The following PPP1R9A variants were observed in gnomAD, a reference collection of about 807,000 sequenced individuals.
PPP1R9A encodes neurabin-1.
In PPP1R9A, 59 loss-of-function variants were observed where a neutral mutation model predicts 141.9. The ratio of observed to expected loss-of-function variants is 0.42; its 90% CI spans 0.34 to 0.52. The LOEUF (loss-of-function observed/expected upper bound fraction) is 0.52. Among genes scored for constraint, PPP1R9A ranks in the 20% least tolerant of loss-of-function variants. The pLI is 0.10. For missense variants in PPP1R9A, 1,444 were observed against 1,611.9 expected (o/e 0.90, Z 1.78); for synonymous variants, 500 against 569.7 (o/e 0.88, Z 1.74).
chr7:95,167,982 A>G (rs182838979), intron 5 of PPP1R9A, among the ~76,000 whole-genome samples: 29 of 152,264 alleles, frequency 1.9e-4, no homozygotes, highest in Admixed American at 6.5e-4. Flanking sequence ...AGAGCAGTCT[A>G]CTGATTCAGT....
At chr7:95,228,427 GTTGGC>G (rs1022931189) in intron 8 of PPP1R9A, among the ~76,000 whole-genome samples, 6 of 152,216 alleles carry the variant, frequency 3.9e-5, no homozygotes, top group African/African-American at 1.2e-4. Context: ...GCCAACAAAA[GTTGGC>G]TAGCCCTTTT....
At chr7:95,181,193 T>A (rs1162143074) in intron 5 of PPP1R9A, among the ~76,000 whole-genome samples, 1 of 131,078 alleles carries the variant, frequency 7.6e-6, no homozygotes, top group Non-Finnish European at 1.7e-5. Flanking sequence ...TCTATATATA[T>A]AGAATATATA....
intron 18 of PPP1R9A, 49 bp downstream of exon 18, chr7:95,286,374 T>C (rs1265725545): frequency 6.2e-7 from 1 of 1,603,822 alleles, no homozygotes; most frequent in Admixed American, 1.7e-5. Flanking sequence ...TCTGACGTTT[T>C]ACCCATGAAC....
chr7:94,969,328 G>T (rs1450230806), intron 2 of PPP1R9A, among the ~76,000 whole-genome samples: 4 of 152,104 alleles, frequency 2.6e-5, no homozygotes, highest in Non-Finnish European at 5.9e-5. Context: ...TGGGGTTTCT[G>T]TGTGGACGTC....
At chr7:94,977,796 T>C (rs2151293440) in intron 2 of PPP1R9A, among the ~76,000 whole-genome samples, 1 of 150,918 alleles carries the variant, frequency 6.6e-6, no homozygotes, top group South Asian at 2.1e-4. Flanking sequence ...GGAATCTTGC[T>C]CTGTCACCCA....
At chr7:95,146,986 T>C (rs529553277) in intron 4 of PPP1R9A, among the ~76,000 whole-genome samples, 1 of 152,328 alleles carries the variant, frequency 6.6e-6, no homozygotes, top group East Asian at 1.9e-4. Flanking sequence ...ATGGGCTCTT[T>C]TGTGGTTTCA....
chr7:95,079,299 C>G (rs895363365), intron 2 of PPP1R9A, among the ~76,000 whole-genome samples: 1 of 151,988 alleles, frequency 6.6e-6, no homozygotes, highest in South Asian at 2.1e-4. Context: ...TGTAGATATG[C>G]GGCATTATTT....
At chr7:95,090,239 TA>T (rs1225912344) in intron 2 of PPP1R9A, among the ~76,000 whole-genome samples, 3 of 150,518 alleles carry the variant, frequency 2.0e-5, no homozygotes, top group East Asian at 1.9e-4. Context: ...ACAAGCTTAT[TA>T]AAAAAAAACG....
intron 2 of PPP1R9A, among the ~76,000 whole-genome samples, chr7:95,033,613 C>CT (rs1315153307): frequency 6.6e-6 from 1 of 152,050 alleles, no homozygotes; most frequent in South Asian, 2.1e-4. Context: ...GAAGATTTTT[C>CT]TCCTGTATCC....
At chr7:95,065,867 G>GA (rs147167891) in intron 2 of PPP1R9A, among the ~76,000 whole-genome samples, 1 of 151,654 alleles carries the variant, frequency 6.6e-6, no homozygotes, top group Non-Finnish European at 1.5e-5. Context: ...AAAATTCAAG[G>GA]AAAAAAAATA....
chr7:95,262,554 G>T (rs947756364), intron 12 of PPP1R9A, among the ~76,000 whole-genome samples: 1 of 152,106 alleles, frequency 6.6e-6, no homozygotes, highest in Non-Finnish European at 1.5e-5. Context: ...TTTCCAGGTA[G>T]TCTAGCGGTA....
chr7:95,153,388 G>C (rs147833691), intron 4 of PPP1R9A, among the ~76,000 whole-genome samples: 1 of 152,166 alleles, frequency 6.6e-6, no homozygotes, highest in Non-Finnish European at 1.5e-5. Context: ...TCATGATTCA[G>C]TTCAGTCAAA....
intron 16 of PPP1R9A, among the ~76,000 whole-genome samples, chr7:95,275,414 A>C (rs2153060203): frequency 6.6e-6 from 1 of 152,252 alleles, no homozygotes; most frequent in Admixed American, 6.5e-5. Context: ...AAAAAAAAAA[A>C]AAAAAAAAGA....
At chr7:94,916,205 A>C (rs1382198038) in intron 2 of PPP1R9A, among the ~76,000 whole-genome samples, 1 of 152,078 alleles carries the variant, frequency 6.6e-6, no homozygotes, top group African/African-American at 2.4e-5. Flanking sequence ...TATGATTATC[A>C]CTTCTTAAGT....
Position 94,939,817 on chromosome 7 carries a change from TACACAC to T in PPP1R9A, c.1395+28336_1395+28341del, listed in dbSNP as rs4014722. ...ATGTATACATACATGTATATATGTGTACACACACACACACACACACACACACACACA... is the reference window on the plus strand; with the variant it reads ...ATGTATACATACATGTATATATGTGTACACACACACACACACACACACACA... On this transcript the variant is annotated intron_variant, in intron 2 of 19. Transcript: ENST00000433360. 6.7e-3 allele frequency among the ~76,000 whole-genome samples: 974 copies of T among 145,108 alleles called. 27 individuals carry two copies. The highest frequency in any genetic ancestry group is 0.012 in the African/African-American group (472 of 39,474).
chr7:95,220,099 C>CT (rs1462664301), intron 7 of PPP1R9A, among the ~76,000 whole-genome samples: 8 of 151,996 alleles, frequency 5.3e-5, no homozygotes, highest in African/African-American at 1.9e-4. Context: ...TTCAAAGAGA[C>CT]TAAGTGTACT....
chr7:94,910,388 G>C lies in PPP1R9A; in HGVS notation c.275G>C (p.Gly92Ala), dbSNP rs769981262. Residue 92 changes from glycine (G) to alanine (A), a missense_variant, in exon 2 of 20, where the codon GGA (glycine) becomes GCA (alanine). Transcript: ENST00000433360. The surrounding 1 kb of genome is among the most constrained non-coding windows in gnomAD (Gnocchi z 4.5). ...AVIAKTRGKG[G>A]HSSPQRRMKP... Reference sequence around the variant, plus strand: ...ATTGCCAAAACAAGGGGGAAAGGTGGACATTCATCTCCTCAGAGAAGAATG... The same window carrying C: ...ATTGCCAAAACAAGGGGGAAAGGTGCACATTCATCTCCTCAGAGAAGAATG... 4 of 1,614,088 alleles carry C rather than the reference G, an allele frequency of 2.5e-6. No homozygotes were observed. Among genetic ancestry groups the C allele is most frequent in the Non-Finnish European group, 3.4e-6 (4 of 1,180,032 alleles).
intron 2 of PPP1R9A, among the ~76,000 whole-genome samples, chr7:94,968,215 C>A (rs1798433778): frequency 6.6e-6 from 1 of 152,002 alleles, no homozygotes; most frequent in Non-Finnish European, 1.5e-5. Flanking sequence ...CTCTGTCGCC[C>A]AGGCTGGAGT....
chr7:95,061,239 A>G (rs1248482165), intron 2 of PPP1R9A, among the ~76,000 whole-genome samples: 1 of 152,226 alleles, frequency 6.6e-6, no homozygotes, highest in Non-Finnish European at 1.5e-5. Context: ...AATGTCACCC[A>G]TATGAAGTTC....
Sources: allele counts gnomAD v4.1 joint callset (sites outside exome capture counted in the v4.1 genomes callset), GRCh38; gene constraint gnomAD v4.1.1; non-coding constraint Gnocchi (gnomAD v3.1); transcripts MANE v1.5; gene names NCBI Gene and HGNC (gene_info 2026-07-23, HGNC 2026-07-21).